The following FAH variants were observed in gnomAD, a reference collection of about 807,000 sequenced individuals.
FAH encodes fumarylacetoacetate hydrolase, also known as fumarylacetoacetase.
In FAH, 47 loss-of-function variants were observed where a neutral mutation model predicts 55.8. The observed-to-expected ratio is 0.84, with a 90% confidence interval of 0.67 to 1.07. FAH has a LOEUF of 1.07. FAH is among the 50% of genes least tolerant of loss of function. The probability of loss-of-function intolerance (pLI) is 0.00; values close to 1 mark genes in which losing one functional copy is unlikely to be tolerated. For synonymous variants in FAH, 199 were observed against 207.7 expected (o/e 0.96, Z 0.36); for missense variants, 495 against 545.9 (o/e 0.91, Z 0.93).
Position 80,177,572 on chromosome 15 carries a change from T to C in FAH, c.949T>C (p.Ser317Pro). Residue 317 changes from serine to proline, a missense_variant, in exon 11 of 14, where the codon TCC becomes CCC. Coordinates refer to ENST00000561421, the MANE Select transcript of FAH (RefSeq NM_000137.4). ...GAGCCAGGCGGCTACCATATGCAAGTCCAATTTTAAGGTAAGCTTTGACGC... is the reference window on the plus strand; with the variant it reads ...GAGCCAGGCGGCTACCATATGCAAGCCCAATTTTAAGGTAAGCTTTGACGC... ...GMSQAATICK[S>P]NFKYMYWTML... is the part of the protein sequence containing the mutation. The C allele has an allele frequency of 6.2e-7, 1 of 1,614,000 alleles. No individual in the cohort carries two copies. Among genetic ancestry groups the C allele is most frequent in the Non-Finnish European group, 8.5e-7 (1 of 1,179,812 alleles).
chr15:80,181,749 A>T (rs1011867639), intron 13 of FAH, among the ~76,000 whole-genome samples: 1 of 151,686 alleles, frequency 6.6e-6, no homozygotes, highest in Non-Finnish European at 1.5e-5. Context: ...ATCTTTAATT[A>T]TTTTTTTTGT....
At chr15:80,161,791 G>A (rs2041151745) in intron 4 of FAH, among the ~76,000 whole-genome samples, 1 of 152,216 alleles carries the variant, frequency 6.6e-6, no homozygotes, top group African/African-American at 2.4e-5. Context: ...TTTGGAGGGG[G>A]AAGAGATCCT....
At chr15:80,159,970 G>A in intron 3 of FAH, 93 bp downstream of exon 3, 1 of 1,522,018 alleles carries the variant, frequency 6.6e-7, no homozygotes, top group Non-Finnish European at 8.9e-7. Context: ...TCACGGCTTG[G>A]CAGCCTTAGT....
At chr15:80,154,169 A>G (rs2041078841) in intron 1 of FAH, among the ~76,000 whole-genome samples, 1 of 152,222 alleles carries the variant, frequency 6.6e-6, no homozygotes, top group African/African-American at 2.4e-5. Context: ...GGAGGACACA[A>G]TCTGAGGCAC....
Position 80,162,249 on chromosome 15 carries a change from A to G in FAH, c.368A>G (p.Asp123Gly), listed in dbSNP as rs1484955184. 6.2e-7 allele frequency: 1 copy of G among 1,613,580 alleles called. No individual in the cohort carries two copies. Among genetic ancestry groups the G allele is most frequent in the Admixed American group, 1.7e-5 (1 of 59,996 alleles). Residue 123 changes from aspartate (D) to glycine (G), a missense_variant, in exon 5 of 14, where the codon GAC becomes GGC. Coordinates refer to ENST00000561421, the MANE Select transcript of FAH (RefSeq NM_000137.4). ...ATMHLPATIG[D>G]YTDFYSSRQH... is the part of the protein sequence containing the mutation. ...CTGTTGGGTCTTTCCTCTGCAGGAGACTACACAGACTTCTATTCCTCTCGG... is the reference window on the plus strand; with the variant it reads ...CTGTTGGGTCTTTCCTCTGCAGGAGGCTACACAGACTTCTATTCCTCTCGG...
At chr15:80,174,407 A>G (rs916617639) in intron 9 of FAH, among the ~76,000 whole-genome samples, 34 of 152,346 alleles carry the variant, frequency 2.2e-4, no homozygotes, top group Middle Eastern at 6.8e-3. Flanking sequence ...AACTTAATAT[A>G]TTAAGAAGGG....
rs139430892 is a variant in FAH, at chr15:80,162,323, T to C, written c.442T>C (p.Leu148=). The change falls in exon 5 of 14, where the codon TTG becomes CTG. Residue 148 remains leucine, a synonymous_variant. Coordinates refer to ENST00000561421, the MANE Select transcript of FAH (RefSeq NM_000137.4). ...CATGTTCAGGGACAAGGAGAATGCG[T>C]TGATGCCAAATTGGTATGAACTGGG... ...GIMFRDKENA[L]MPNWLHLPVG... is the part of the protein sequence containing the mutation. The C allele has an allele frequency of 5.6e-6, 9 of 1,613,864 alleles. No homozygotes were observed. The highest frequency in any genetic ancestry group is 2.7e-5 in the African/African-American group (2 of 74,944).
intron 13 of FAH, 98 bp from the exon 14 acceptor site, chr15:80,186,032 C>G: frequency 2.2e-6 from 2 of 906,812 alleles, no homozygotes; most frequent in East Asian, 4.8e-5. Context: ...CTTCCTGCCT[C>G]GGGCCAGCTG....
chr15:80,186,248 C>G lies in FAH; in HGVS notation c.*39C>G. 8.8e-7 allele frequency: 1 copy of G among 1,140,452 alleles called. No individual in the cohort carries two copies. 70.6% of individuals were successfully genotyped at this position (1,140,452 alleles called of 1,614,324 possible). ...CTTCTGGAAACAAAGGGCTCAAGCA[C>G]CCCTTTCAACCCTGTGACTGGGGTC... On this transcript the variant is annotated 3_prime_UTR_variant, in exon 14 of 14. Coordinates refer to ENST00000561421, the MANE Select transcript of FAH (RefSeq NM_000137.4).
At chr15:80,178,971 A>G (rs1172995941) in intron 11 of FAH, among the ~76,000 whole-genome samples, 1 of 152,190 alleles carries the variant, frequency 6.6e-6, no homozygotes, top group African/African-American at 2.4e-5. Flanking sequence ...TCACAGAGTT[A>G]CTGTGAACAT....
intron 5 of FAH, among the ~76,000 whole-genome samples, chr15:80,165,527 CAAA>C (rs535506436): frequency 1.9e-5 from 2 of 106,734 alleles, no homozygotes. Context: ...GACTCCATCT[CAAA>C]AAAAAAAAAA....
chr15:80,182,556 A>G (rs757012831), intron 13 of FAH, among the ~76,000 whole-genome samples: 6 of 152,210 alleles, frequency 3.9e-5, no homozygotes, highest in Non-Finnish European at 7.3e-5. Flanking sequence ...TCTAATTTGA[A>G]TTTGACTATT....
chr15:80,174,970 T>C, intron 9 of FAH, 46 bp from the exon 10 acceptor site: 1 of 1,582,346 alleles, frequency 6.3e-7, no homozygotes, highest in East Asian at 2.2e-5. Flanking sequence ...CCGGGTGAGC[T>C]CAGCCCACCT....
chr15:80,154,940 G>A, intron 1 of FAH, among the ~76,000 whole-genome samples: 1 of 152,144 alleles, frequency 6.6e-6, no homozygotes, highest in East Asian at 1.9e-4. Context: ...AAGTCCCCGT[G>A]GTCTGGCTGT....
chr15:80,183,251 C>T (rs1443399351), intron 13 of FAH, among the ~76,000 whole-genome samples: 2 of 152,008 alleles, frequency 1.3e-5, no homozygotes, highest in Admixed American at 6.5e-5. Context: ...CCCCTGGAAC[C>T]AAGAAAGAAG....
intron 11 of FAH, 68 bp from the exon 12 acceptor site, chr15:80,180,056 C>T (rs2041316101): frequency 7.9e-7 from 1 of 1,263,306 alleles, no homozygotes; most frequent in South Asian, 1.2e-5. Context: ...CAGGCTGTGC[C>T]CAGCTGCCTC....
Position 80,184,069 on chromosome 15 carries a change from G to A in FAH, c.1181-2061G>A, listed in dbSNP as rs116329656. Among the ~76,000 whole-genome samples, 1,318 of 152,322 alleles carry A rather than the reference G, an allele frequency of 8.7e-3. 20 individuals are homozygous for A. The highest frequency in any genetic ancestry group is 0.03 in the African/African-American group (1,231 of 41,568). ...ATCAACAAAAATCTCTGATCGTCTTGGTTTAACTCATCCATCCCCTAGTCT... is the reference window on the plus strand; with the variant it reads ...ATCAACAAAAATCTCTGATCGTCTTAGTTTAACTCATCCATCCCCTAGTCT... On this transcript the variant is annotated intron_variant, in intron 13 of 13. Transcript: ENST00000561421.
chr15:80,178,646 C>T (rs937780411), intron 11 of FAH, among the ~76,000 whole-genome samples: 3 of 150,800 alleles, frequency 2.0e-5, no homozygotes, highest in Admixed American at 6.6e-5. Context: ...TGCAGTGGCG[C>T]GATCTCGGCT....
chr15:80,152,859 G>A (rs1242260305), upstream of FAH: 2 of 580,162 alleles, frequency 3.4e-6, no homozygotes, highest in East Asian at 5.9e-5. Flanking sequence ...GGAGGGGCAG[G>A]GCTCGGGGTT....
Sources: gnomAD v4.1 joint callset for allele counts (sites outside exome capture counted in the v4.1 genomes callset) on GRCh38, gnomAD v4.1.1 for gene constraint, MANE v1.5 for transcripts, NCBI Gene and HGNC (gene_info 2026-07-23, HGNC 2026-07-21) for gene names.